The following MEF2C variants were observed in gnomAD, a reference collection of about 807,000 sequenced individuals.
MEF2C encodes the protein myocyte-specific enhancer factor 2C.
A neutral mutation model predicts 50.5 loss-of-function variants in MEF2C; 6 were observed. The observed-to-expected ratio is 0.12, with a 90% confidence interval of 0.07 to 0.23. MEF2C has a LOEUF of 0.23. Ranked by LOEUF, MEF2C falls within the 10% of genes least tolerant of loss-of-function variation. MEF2C has a pLI of 1.00. For synonymous variants in MEF2C, 183 were observed against 228.0 expected (o/e 0.80, Z 1.78); for missense variants, 276 against 605.0 (o/e 0.46, Z 5.70).
At chr5:88,862,265 T>C (rs1273158090) in intron 1 of MEF2C, among the ~76,000 whole-genome samples, 1 of 152,226 alleles carries the variant, frequency 6.6e-6, no homozygotes, top group African/African-American at 2.4e-5. Flanking sequence ...ACTAGTATTT[T>C]TATTTTCCTG....
chr5:88,793,271 C>T (rs1562064824), intron 3 of MEF2C, among the ~76,000 whole-genome samples: 1 of 152,082 alleles, frequency 6.6e-6, no homozygotes. Flanking sequence ...TAAGACAAAA[C>T]AGAGCTTGGA....
At chr5:88,804,478 T>C (rs1799558478) in intron 3 of MEF2C, 120 bp downstream of exon 3, 3 of 839,972 alleles carry the variant, frequency 3.6e-6, no homozygotes, top group Admixed American at 4.6e-5. Context: ...CCTGGGTCTA[T>C]CTATGGGACT....
intron 2 of MEF2C, among the ~76,000 whole-genome samples, chr5:88,811,033 G>A (rs556024582): frequency 6.6e-6 from 1 of 152,160 alleles, no homozygotes; most frequent in Admixed American, 6.6e-5. Flanking sequence ...AAGTTTTAGC[G>A]TTCTATAGTG....
intron 2 of MEF2C, among the ~76,000 whole-genome samples, chr5:88,813,142 C>T (rs764473013): frequency 2.0e-5 from 3 of 152,118 alleles, no homozygotes; most frequent in Admixed American, 6.6e-5. Flanking sequence ...TCAGACGCTC[C>T]GGCCATTCCC....
chr5:88,903,030 TAAAAG>T (rs955116439), intron 1 of MEF2C, among the ~76,000 whole-genome samples: 31 of 152,126 alleles, frequency 2.0e-4, no homozygotes, highest in African/African-American at 6.5e-4. Context: ...GAAGCATAGT[TAAAAG>T]AATGAATCCC....
At chr5:88,885,655 G>A (rs1833981919), upstream of MEF2C, among the ~76,000 whole-genome samples, 1 of 152,158 alleles carries the variant, frequency 6.6e-6, no homozygotes, top group African/African-American at 2.4e-5. Context: ...CGAATACTAA[G>A]ATATGTCTAT....
intron 1 of MEF2C, among the ~76,000 whole-genome samples, chr5:88,873,334 C>T (rs765161452): frequency 2.0e-4 from 30 of 152,016 alleles, no homozygotes; most frequent in Non-Finnish European, 3.5e-4. Context: ...ATCAGTTTCT[C>T]AAGTGTAAGG....
chr5:88,833,608 A>G (rs1381357700), intron 1 of MEF2C, among the ~76,000 whole-genome samples: 1 of 152,128 alleles, frequency 6.6e-6, no homozygotes, highest in African/African-American at 2.4e-5. Context: ...TCAAAGTAAG[A>G]GCTCATAATT....
intron 9 of MEF2C, among the ~76,000 whole-genome samples, chr5:88,728,888 C>G (rs1295008812): frequency 6.6e-6 from 1 of 152,004 alleles, no homozygotes; most frequent in African/African-American, 2.4e-5. Context: ...GAACTACAAT[C>G]TAGTATAAAG....
intron 3 of MEF2C, among the ~76,000 whole-genome samples, chr5:88,803,709 A>G (rs552901825): frequency 6.6e-6 from 1 of 152,338 alleles, no homozygotes; most frequent in Non-Finnish European, 1.5e-5. Context: ...GTATTTAAAT[A>G]GGATCGATGC....
At chr5:88,742,393 C>A (rs956548050) in intron 6 of MEF2C, 1 of 984,178 alleles carries the variant, frequency 1.0e-6, no homozygotes, top group African/African-American at 1.7e-5. Context: ...GAAATATTAA[C>A]GGCTTGAATT....
chr5:88,745,353 T>C (rs1768901896), intron 6 of MEF2C, among the ~76,000 whole-genome samples: 1 of 152,214 alleles, frequency 6.6e-6, no homozygotes, highest in Non-Finnish European at 1.5e-5. Flanking sequence ...ACTTGTCTGT[T>C]AGAGTCAGGA....
intron 6 of MEF2C, chr5:88,735,421 A>C (rs1763691877): frequency 1.0e-6 from 1 of 985,190 alleles, no homozygotes; most frequent in African/African-American, 1.7e-5. Context: ...CAGATGTCAC[A>C]TTCCTCTGAC....
intron 1 of MEF2C, among the ~76,000 whole-genome samples, chr5:88,845,283 C>A (rs1818898720): frequency 6.6e-6 from 1 of 152,146 alleles, no homozygotes; most frequent in South Asian, 2.1e-4. Context: ...AGAAACAATT[C>A]AGGAAGGAAA....
intron 3 of MEF2C, among the ~76,000 whole-genome samples, chr5:88,795,786 T>C (rs1010878999): frequency 3.3e-5 from 5 of 152,240 alleles, no homozygotes; most frequent in Admixed American, 6.5e-5. Context: ...TTGTCATAAA[T>C]AGCTCTTATT....
chr5:88,783,759 A>C (rs1331648076), intron 3 of MEF2C, among the ~76,000 whole-genome samples: 1 of 152,182 alleles, frequency 6.6e-6, no homozygotes, highest in Admixed American at 6.5e-5. Context: ...CCTCCCTCTA[A>C]ATACCCCATA....
At chr5:88,862,636 C>A (rs924844964) in intron 1 of MEF2C, among the ~76,000 whole-genome samples, 1 of 151,986 alleles carries the variant, frequency 6.6e-6, no homozygotes, top group Non-Finnish European at 1.5e-5. Context: ...ATAAAGTATT[C>A]TTGGGTAGCT....
At chr5:88,776,873 G>A (rs1048020520) in intron 3 of MEF2C, among the ~76,000 whole-genome samples, 11 of 152,064 alleles carry the variant, frequency 7.2e-5, no homozygotes, top group Non-Finnish European at 1.3e-4. Context: ...GCAGTGGCTC[G>A]GCACCTGTTG....
chr5:88,875,338 C>T (rs1192180335), intron 1 of MEF2C, among the ~76,000 whole-genome samples: 5 of 151,890 alleles, frequency 3.3e-5, no homozygotes. Context: ...GGGTGTTTAT[C>T]AATAAAAATT....
Sources: allele counts gnomAD v4.1 joint callset (sites outside exome capture counted in the v4.1 genomes callset), GRCh38; gene constraint gnomAD v4.1.1; transcripts MANE v1.5; gene names NCBI Gene and HGNC (gene_info 2026-07-23, HGNC 2026-07-21).